Variants in GTF2A2 observed in about 807,000 individuals in gnomAD.
GTF2A2 encodes general transcription factor IIA subunit 2, also known as transcription initiation factor IIA subunit 2.
GTF2A2 carries 9 observed loss-of-function variants against 14.3 expected under a neutral mutation model. That is an observed-to-expected ratio of 0.63 (90% confidence interval 0.38 to 1.10). GTF2A2 has a LOEUF of 1.10. GTF2A2 is among the 50% of genes least tolerant of loss of function. GTF2A2 has a pLI of 0.01. For missense variants in GTF2A2, 90 were observed against 124.6 expected (o/e 0.72, Z 1.32); for synonymous variants, 56 against 46.0 (o/e 1.22, Z -0.88).
At chr15:59,645,811 G>C (rs562763437) in intron 3 of GTF2A2, among the ~76,000 whole-genome samples, 35 of 151,920 alleles carry the variant, frequency 2.3e-4, no homozygotes, top group Admixed American at 4.6e-4. Context: ...TGAGGTGGGA[G>C]GGTCACTGAG....
At chr15:59,639,258 A>AAAAAATGAGAACACAGGAC in intron 4 of GTF2A2, 101 bp from the exon 5 acceptor site, 1 of 759,844 alleles carries the variant, frequency 1.3e-6, no homozygotes. Flanking sequence ...CACAGGACTA[A>AAAAAATGAGAACACAGGAC]TAGTGGTGGT....
Position 59,642,270 on chromosome 15 carries a change from A to G in GTF2A2, c.178-8T>C. ...GTACGTATTTAGAGAGCCCTTTAAA[A>G]CAAAACATTTAGAAATACCGTGAAA... On this transcript the variant is annotated splice_polypyrimidine_tract_variant and splice_region_variant and intron_variant, in intron 3 of 4. Coordinates refer to ENST00000396060, the MANE Select transcript of GTF2A2 (RefSeq NM_004492.3). 1 of 1,584,540 alleles carries G rather than the reference A, an allele frequency of 6.3e-7. No individual in the cohort carries two copies. The highest frequency in any genetic ancestry group is 1.2e-5 in the South Asian group (1 of 84,860).
chr15:59,655,012 T>C (rs1286628517), intron 1 of GTF2A2, among the ~76,000 whole-genome samples: 1 of 152,220 alleles, frequency 6.6e-6, no homozygotes, highest in African/African-American at 2.4e-5. Flanking sequence ...TCTCCCTCCC[T>C]GTCACTATAG....
At chr15:59,645,903 G>C (rs1417834636) in intron 3 of GTF2A2, among the ~76,000 whole-genome samples, 1 of 151,920 alleles carries the variant, frequency 6.6e-6, no homozygotes, top group East Asian at 1.9e-4. Context: ...GCATGATGGT[G>C]GGTGCCTGTA....
At chr15:59,640,128 G>C (rs1387596968) in intron 4 of GTF2A2, 1 of 121,930 alleles carries the variant, frequency 8.2e-6, no homozygotes. Flanking sequence ...CTTTCCTTGA[G>C]TCAACAATCT....
intron 3 of GTF2A2, among the ~76,000 whole-genome samples, chr15:59,643,745 T>C (rs529932262): frequency 1.1e-3 from 167 of 147,140 alleles, no homozygotes; most frequent in African/African-American, 3.9e-3. Context: ...CTACAGGGCG[T>C]AGGCCACCAT....
intron 4 of GTF2A2, among the ~76,000 whole-genome samples, chr15:59,641,172 A>T (rs1891408354): frequency 8.0e-6 from 1 of 125,214 alleles, no homozygotes; most frequent in Admixed American, 8.7e-5. Context: ...TGGGCAATAC[A>T]GCAAGACTCT....
chr15:59,651,545 T>C (rs1261097169), intron 2 of GTF2A2: 1 of 152,214 alleles, frequency 6.6e-6, no homozygotes, highest in Non-Finnish European at 1.5e-5. Context: ...AATTGAAATA[T>C]AAATTCAGAC....
rs1421527852 is a variant in GTF2A2, at chr15:59,645,995, T to C, written c.178-3733A>G. On this transcript the variant is annotated intron_variant, in intron 3 of 4. Transcript: ENST00000396060. ...GTCACAGTGAGGCGAGATCACACCA[T>C]TGCACTCCAGCTTGAGTGACAGAGT... Among the ~76,000 whole-genome samples, 7 of 150,756 alleles carry C rather than the reference T, an allele frequency of 4.6e-5. No homozygotes were observed. In the East Asian group the frequency reaches 5.9e-4, roughly 13 times the overall value.
chr15:59,645,643 G>A (rs1181692080), intron 3 of GTF2A2, among the ~76,000 whole-genome samples: 1 of 152,184 alleles, frequency 6.6e-6, no homozygotes, highest in Non-Finnish European at 1.5e-5. Context: ...CTCCTCGTTT[G>A]CTACAGTCTG....
Position 59,643,539 on chromosome 15 carries a change from A to C in GTF2A2, c.178-1277T>G, listed in dbSNP as rs565138817. 9.2e-5 allele frequency among the ~76,000 whole-genome samples: 14 copies of C among 152,024 alleles called. No homozygotes were observed. The East Asian group carries it at 2.7e-3, about 29-fold the overall frequency. ...GGACACATTCTTATAATTAAGAAAA[A>C]AAAATTGTTTAAAGTAGGAATATAT... On this transcript the variant is annotated intron_variant, in intron 3 of 4. Coordinates refer to ENST00000396060, the MANE Select transcript of GTF2A2 (RefSeq NM_004492.3).
intron 1 of GTF2A2, chr15:59,656,937 G>T (rs1211443766): frequency 6.6e-6 from 1 of 152,184 alleles, no homozygotes; most frequent in Non-Finnish European, 1.5e-5. Flanking sequence ...GAAGTAACTC[G>T]TCCTAGCATT....
rs930691166 is a variant in GTF2A2, at chr15:59,638,939, T to C, written c.*193A>G. 3.6e-5 allele frequency: 18 copies of C among 497,158 alleles called. No individual in the cohort carries two copies. The highest frequency in any genetic ancestry group is 2.0e-4 in the African/African-American group (10 of 50,334). 30.8% of individuals were successfully genotyped at this position (497,158 alleles called of 1,614,324 possible). On this transcript the variant is annotated 3_prime_UTR_variant, in exon 5 of 5. Transcript: ENST00000396060. ...AACTTTTGTCCTTAAAAAAAAGTTA[T>C]GGTTTTTCATGCTGTATAATAAAGG...
chr15:59,652,158 G>A, intron 2 of GTF2A2, 48 bp downstream of exon 2: 1 of 1,030,062 alleles, frequency 9.7e-7, no homozygotes, highest in South Asian at 1.3e-5. Flanking sequence ...AAGAATTACT[G>A]TAAACCCATC....
At chr15:59,647,231 T>C (rs1373590324) in intron 3 of GTF2A2, among the ~76,000 whole-genome samples, 2 of 152,092 alleles carry the variant, frequency 1.3e-5, no homozygotes, top group East Asian at 3.9e-4. Context: ...CAGCTGGGAC[T>C]ATGGGCACAC....
In GTF2A2 at chr15:59,638,966, G is replaced by GATGT. The variant is rs1200380916; in HGVS notation, c.*162_*165dup. 1.0e-5 allele frequency: 6 copies of GATGT among 601,710 alleles called. No homozygotes were observed. The East Asian group carries it at 1.8e-4, about 18-fold the overall frequency. 37.3% of individuals were successfully genotyped at this position (601,710 alleles called of 1,614,324 possible). On this transcript the variant is annotated 3_prime_UTR_variant, in exon 5 of 5. Coordinates refer to ENST00000396060, the MANE Select transcript of GTF2A2 (RefSeq NM_004492.3). ...GTTTTTCATGCTGTATAATAAAGGT[G>GATGT]ATGTAAGAGGCTACAGAGTTACAAG...
intron 3 of GTF2A2, among the ~76,000 whole-genome samples, chr15:59,643,878 G>A (rs1156801774): frequency 1.3e-5 from 2 of 151,200 alleles, no homozygotes; most frequent in African/African-American, 4.9e-5. Context: ...AATTACAGGC[G>A]TGAGCCATAG....
At chr15:59,650,079 A>C (rs139531303) in intron 3 of GTF2A2, among the ~76,000 whole-genome samples, 14 of 152,358 alleles carry the variant, frequency 9.2e-5, no homozygotes, top group African/African-American at 3.4e-4. Flanking sequence ...TGACTCTTTC[A>C]ATGGGCACTT....
At chr15:59,651,440 G>A (rs1461169356) in intron 2 of GTF2A2, 1 of 152,326 alleles carries the variant, frequency 6.6e-6, no homozygotes, top group Non-Finnish European at 1.5e-5. Context: ...GCCTCCCAAA[G>A]TGCTGGGATT....
Sources: allele counts gnomAD v4.1 joint callset (sites outside exome capture counted in the v4.1 genomes callset), GRCh38; gene constraint gnomAD v4.1.1; transcripts MANE v1.5; gene names NCBI Gene and HGNC (gene_info 2026-07-23, HGNC 2026-07-21).